NFASC: variants seen among roughly 807,000 people sequenced by gnomAD.
The protein encoded by NFASC is neurofascin, also known as neurofascin homolog.
In NFASC, 43 loss-of-function variants were observed where a neutral mutation model predicts 147.5. That is an observed-to-expected ratio of 0.29 (90% CI 0.23 to 0.38). The LOEUF is 0.38. NFASC is among the 10% of genes least tolerant of loss of function. The pLI is 1.00. For missense variants in NFASC, 1,320 were observed against 1,689.0 expected (o/e 0.78, Z 3.83); for synonymous variants, 622 against 665.5 (o/e 0.93, Z 1.01).
intron 3 of NFASC, 63 bp downstream of exon 3, chr1:204,944,469 A>C: frequency 2.3e-5 from 9 of 389,422 alleles, no homozygotes; most frequent in African/African-American, 9.0e-5. Context: ...GTGGGAGGGG[A>C]GGGAAGGTCA....
chr1:204,982,997 G>A (rs764423167), intron 21 of NFASC, among the ~76,000 whole-genome samples: 1 of 152,170 alleles, frequency 6.6e-6, no homozygotes, highest in Non-Finnish European at 1.5e-5. Context: ...GAGCAGAGAG[G>A]GTCAGCAGGT....
chr1:204,983,099 G>A (rs1031090478), intron 21 of NFASC, among the ~76,000 whole-genome samples: 1 of 152,214 alleles, frequency 6.6e-6, no homozygotes, highest in Non-Finnish European at 1.5e-5. Flanking sequence ...AGAAAGGGTG[G>A]CATCTGGTCA....
chr1:204,969,710 G>T (rs562692765), intron 10 of NFASC, among the ~76,000 whole-genome samples: 71 of 152,260 alleles, frequency 4.7e-4, no homozygotes, highest in African/African-American at 1.5e-3. Flanking sequence ...GATCTGAAAG[G>T]CTCACTTCTC....
chr1:204,866,926 T>C (rs1430460047), intron 1 of NFASC, among the ~76,000 whole-genome samples: 2 of 152,148 alleles, frequency 1.3e-5, no homozygotes, highest in African/African-American at 4.8e-5. Flanking sequence ...AAGGGTTGGA[T>C]TGGCTTCCTG....
At position 204,829,560 on chromosome 1, in the gene NFASC, C is replaced by A. The variant is rs376835535; in HGVS notation, c.-200+778C>A. Among the ~76,000 whole-genome samples the A allele has an allele frequency of 6.6e-5, 10 of 152,090 alleles. No individual in the cohort carries two copies. The East Asian group carries it at 1.9e-3, about 29-fold the overall frequency. On this transcript the variant is annotated intron_variant, in intron 1 of 29. Transcript: ENST00000339876. ...TCTGCATGTTCGATCCTATTTGTGG[C>A]TTGGGGAAGAATGCTGGGGGTTAGT... is the stretch of plus-strand genomic sequence containing the variant.
At position 204,997,371 on chromosome 1, in the gene NFASC, C is replaced by T; in HGVS notation, c.2984C>T (p.Pro995Leu). ...GCCACCACCACCACGGAGAGTCCTC[C>T]CACCACCACCTCCGGGACTAAGATA... ...AAATTTTESP[P>L]TTTSGTKIHE... Residue 995 changes from proline to leucine, a missense_variant, in exon 25 of 30, where the codon CCC becomes CTC. By Grantham distance (98) the Pro-to-Leu change is moderately conservative (BLOSUM62 -3). Around this residue, in one of 3 missense-constraint regions of NFASC, gnomAD observed 172 missense variants for 165.8 expected, o/e 1.04. Coordinates refer to ENST00000339876, the MANE Select transcript of NFASC (RefSeq NM_001005388.3). 6 of 1,554,042 alleles carry T rather than the reference C, an allele frequency of 3.9e-6. No homozygotes were observed. Among genetic ancestry groups the T allele is most frequent in the Non-Finnish European group, 5.2e-6 (6 of 1,148,206 alleles).
intron 1 of NFASC, among the ~76,000 whole-genome samples, chr1:204,882,972 T>A (rs2080576786): frequency 6.6e-6 from 1 of 152,088 alleles, no homozygotes; most frequent in South Asian, 2.1e-4. Flanking sequence ...CGCCTACATA[T>A]GAGTCAAGTT....
At chr1:204,944,793 C>G in intron 3 of NFASC, 1 of 206,400 alleles carries the variant, frequency 4.8e-6, no homozygotes, top group Non-Finnish European at 9.6e-6. Flanking sequence ...TGTGGTGGAG[C>G]AGTTCTTACT....
chr1:204,880,487 C>G (rs1258611487), intron 1 of NFASC, among the ~76,000 whole-genome samples: 1 of 152,162 alleles, frequency 6.6e-6, no homozygotes, highest in Admixed American at 6.5e-5. Context: ...TCCCAAGTAG[C>G]TGGGACTACA....
chr1:204,894,961 A>G (rs535051407), intron 1 of NFASC, among the ~76,000 whole-genome samples: 2 of 152,308 alleles, frequency 1.3e-5, no homozygotes, highest in African/African-American at 4.8e-5. Flanking sequence ...GTTGCCTCCA[A>G]AAGAGACTTG....
chr1:205,016,863 C>T lies in NFASC; in HGVS notation c.*324C>T, dbSNP rs77538332. The T allele has an allele frequency of 1.5e-3, 659 of 429,456 alleles. 3 individuals are homozygous for T. Among genetic ancestry groups the T allele is most frequent in the African/African-American group, 0.013 (622 of 49,710 alleles). 26.6% of individuals were successfully genotyped at this position (429,456 alleles called of 1,614,324 possible). A position where few individuals can be genotyped will look rare whatever the true frequency, so the allele number is the denominator to read the frequency against. On this transcript the variant is annotated 3_prime_UTR_variant, in exon 30 of 30. Coordinates refer to ENST00000339876, the MANE Select transcript of NFASC (RefSeq NM_001005388.3). This position sits in a 1 kb window ranked among gnomAD's most constrained non-coding sequence, Gnocchi z 5.1. ...TGTCCGCCCTTGGCCTCGGCACACG[C>T]TCACCTTTTCTGTTGGTTACGGGAC...
chr1:204,837,827 G>A (rs370345115), intron 1 of NFASC, among the ~76,000 whole-genome samples: 1 of 152,170 alleles, frequency 6.6e-6, no homozygotes, highest in Non-Finnish European at 1.5e-5. Context: ...AATAGTTACA[G>A]TATCTGACTT....
chr1:204,911,061 A>G (rs1246378904), intron 1 of NFASC, among the ~76,000 whole-genome samples: 2 of 152,156 alleles, frequency 1.3e-5, no homozygotes, highest in Non-Finnish European at 2.9e-5. Flanking sequence ...GTATAATGTT[A>G]TCTGTCTATT....
At position 204,981,817 on chromosome 1, in the gene NFASC, C is replaced by T. The variant is rs780062577; in HGVS notation, c.2267C>T (p.Ala756Val). 1 of 1,570,804 alleles carries T rather than the reference C, an allele frequency of 6.4e-7. No homozygotes were observed. The highest frequency in any genetic ancestry group is 8.6e-7 in the Non-Finnish European group (1 of 1,156,184). Reference sequence around the variant, plus strand: ...GCCCAGCCCATGAATGCCACCTCGGCCTTTGGCCCCAACCTGCGCTACATT... The same window carrying T: ...GCCCAGCCCATGAATGCCACCTCGGTCTTTGGCCCCAACCTGCGCTACATT... The part of the protein sequence containing the change: ...ITWTPMNATS[A>V]FGPNLRYIVK... The change falls in exon 21 of 30, where the codon GCC becomes GTC. Residue 756 changes from alanine to valine, a missense_variant. Physicochemically the swap from Ala to Val is moderately conservative, Grantham distance 64. Transcript: ENST00000339876.
intron 1 of NFASC, among the ~76,000 whole-genome samples, chr1:204,847,161 T>C (rs533044309): frequency 1.6e-4 from 24 of 152,064 alleles, no homozygotes; most frequent in African/African-American, 5.3e-4. Context: ...TAAGTGTGAG[T>C]GGCCTGTGAC....
intron 1 of NFASC, among the ~76,000 whole-genome samples, chr1:204,848,202 T>C (rs1393149054): frequency 6.6e-6 from 1 of 152,200 alleles, no homozygotes; most frequent in Non-Finnish European, 1.5e-5. Flanking sequence ...CCCAGTGAGT[T>C]AGATGCAGTC....
chr1:204,860,770 T>C lies in NFASC; in HGVS notation c.-200+31988T>C, dbSNP rs138532667. 3.3e-3 allele frequency among the ~76,000 whole-genome samples: 500 copies of C among 152,296 alleles called. 3 individuals carry two copies. Among genetic ancestry groups the C allele is most frequent in the African/African-American group, 0.011 (475 of 41,560 alleles). The stretch of plus-strand genomic sequence containing the variant: ...CTTTCTTCCCTTTAGCCCCTGGCAA[T>C]CATTAATCAGTTTTTTCTCTATAGA... On this transcript the variant is annotated intron_variant, in intron 1 of 29. Coordinates refer to ENST00000339876, the MANE Select transcript of NFASC (RefSeq NM_001005388.3).
At chr1:204,997,083 G>C in intron 24 of NFASC, 87 bp from the exon 25 acceptor site, 1 of 1,545,318 alleles carries the variant, frequency 6.5e-7, no homozygotes, top group Non-Finnish European at 8.7e-7. Context: ...TCCTCACCGG[G>C]CTGCCTGCCT....
chr1:204,997,221 G>A lies in NFASC; in HGVS notation c.2834G>A (p.Ser945Asn), dbSNP rs1411688754. The A allele has an allele frequency of 1.2e-6, 2 of 1,613,768 alleles. No homozygotes were observed. The highest frequency in any genetic ancestry group is 1.7e-5 in the Admixed American group (1 of 59,992). ...TTVGATGAVS[S>N]TDATAIAATT... is the part of the protein sequence containing the mutation. ...GTGGGTGCGACGGGCGCTGTGAGCA[G>A]TACCGATGCTACTGCCATTGCTGCC... Residue 945 changes from serine to asparagine, a missense_variant, in exon 25 of 30, where the codon AGT becomes AAT. This residue lies in a region of NFASC where 172 missense variants were observed against 165.8 expected (regional missense o/e 1.04). Coordinates refer to ENST00000339876, the MANE Select transcript of NFASC (RefSeq NM_001005388.3).
Sources: allele counts gnomAD v4.1 joint callset (sites outside exome capture counted in the v4.1 genomes callset), GRCh38; gene constraint gnomAD v4.1.1; regional missense constraint gnomAD v4.1.1; non-coding constraint Gnocchi (gnomAD v3.1); transcripts MANE v1.5; gene names NCBI Gene and HGNC (gene_info 2026-07-23, HGNC 2026-07-21).